Variants in MEAK7 observed in about 807,000 individuals in gnomAD.
MEAK7 encodes the protein MTOR-associated protein MEAK7.
In MEAK7, 68 loss-of-function variants were observed where a neutral mutation model predicts 40.5. That is an observed-to-expected ratio of 1.68 (90% confidence interval 1.38 to 2.06). The LOEUF (loss-of-function observed/expected upper bound fraction) is 2.06, where lower values mean the gene tolerates loss of function less well. MEAK7 is among the 30% of genes most tolerant of loss of function. The probability of loss-of-function intolerance (pLI) is 0.00; values close to 1 mark genes in which losing one functional copy is unlikely to be tolerated. For missense variants in MEAK7, 918 were observed against 580.5 expected (o/e 1.58, Z -5.98); for synonymous variants, 338 against 231.9 (o/e 1.46, Z -4.16).
rs1273302677 is a variant in MEAK7 at position 84,486,770 on chromosome 16, C to T, written c.819G>A (p.Glu273=). 1 of 1,614,040 alleles carries T rather than the reference C, an allele frequency of 6.2e-7. No individual in the cohort carries two copies. Residue 273 remains glutamate (E), a synonymous_variant, in exon 5 of 8, where the codon GAG becomes GAA. Transcript: ENST00000343629. ...RHRWCLLFSS[E]LHGHSFSQLC... ...GCTGGGAGAAGCTGTGTCCATGGAG[C>T]TCAGACGAAAAGAGCAGGCACCAGC...
intron 5 of MEAK7, among the ~76,000 whole-genome samples, chr16:84,484,973 T>G (rs144177927): frequency 2.6e-4 from 40 of 152,330 alleles, no homozygotes; most frequent in African/African-American, 8.9e-4. Context: ...AAATTAACAT[T>G]AAAGGCTCTG....
intron 1 of MEAK7, chr16:84,503,868 A>G: frequency 2.2e-6 from 2 of 925,472 alleles, no homozygotes; most frequent in South Asian, 9.9e-5. Flanking sequence ...ACAGGCTGTT[A>G]CATGGCTGCT....
intron 3 of MEAK7, among the ~76,000 whole-genome samples, chr16:84,493,201 G>A (rs927940022): frequency 6.6e-6 from 1 of 152,212 alleles, no homozygotes; most frequent in African/African-American, 2.4e-5. Context: ...TTGTATGCCA[G>A]AGAAGTACCC....
Position 84,482,747 on chromosome 16 carries a change from T to C in MEAK7, c.959-37A>G, listed in dbSNP as rs776084005. ...CAGAGAACAAAACAAACAGGGTCGGTGTCTGAGCCGGTCCCACAGGGCCGG... is the reference window on the plus strand; with the variant it reads ...CAGAGAACAAAACAAACAGGGTCGGCGTCTGAGCCGGTCCCACAGGGCCGG... On this transcript the variant is annotated intron_variant, in intron 5 of 7. Transcript: ENST00000343629. The C allele has an allele frequency of 3.1e-6, 5 of 1,611,446 alleles. No individual in the cohort carries two copies. In the East Asian group the frequency reaches 1.1e-4, roughly 36 times the overall value.
Position 84,486,505 on chromosome 16 carries a change from A to C in MEAK7, c.958+126T>G, listed in dbSNP as rs543862006. On this transcript the variant is annotated intron_variant, in intron 5 of 7. Coordinates refer to ENST00000343629, the MANE Select transcript of MEAK7 (RefSeq NM_020947.4). ...AGCATCACATTTTCCTATCGCCCCG[A>C]CTGCGTCTAGAGAAACACTTGGAGA... is the stretch of plus-strand genomic sequence containing the variant. 7.6e-6 allele frequency: 11 copies of C among 1,451,560 alleles called. No homozygotes were observed. In the South Asian group the frequency reaches 1.6e-4, roughly 21 times the overall value. 89.9% of individuals were successfully genotyped at this position (1,451,560 alleles called of 1,614,324 possible).
intron 2 of MEAK7, 57 bp from the exon 3 acceptor site, chr16:84,495,970 C>G: frequency 6.3e-7 from 1 of 1,578,694 alleles, no homozygotes; most frequent in Non-Finnish European, 8.7e-7. Flanking sequence ...AACTTGGTTA[C>G]TAGGAGTTAT....
At chr16:84,503,832 G>C (rs1292547061) in intron 1 of MEAK7, 3 of 691,242 alleles carry the variant, frequency 4.3e-6, no homozygotes, top group East Asian at 2.7e-4. Context: ...GAATGGCTTA[G>C]TCACCTCCTG....
At chr16:84,482,246 G>A (rs451957) in intron 6 of MEAK7, among the ~76,000 whole-genome samples, 70,057 of 152,074 alleles carry the variant, frequency 0.46, 17,726 homozygotes, top group East Asian at 0.89. Context: ...TCCCACGTAT[G>A]AGGCAGGCCA....
rs778152202 is a variant in MEAK7, at chr16:84,479,963, C to G, written c.1321G>C (p.Gly441Arg). The change falls in exon 8 of 8, where the codon GGG becomes CGG. Residue 441 changes from glycine (G) to arginine (R), a missense_variant. Transcript: ENST00000343629. ...PEAQALLEIS[G>R]HSRHSEGLRE... ...AGCCCTTCGCTGTGGCGCGAATGCCCACTGATCTCCAGCAGGGCCTGGGCC... is the reference window on the plus strand; with the variant it reads ...AGCCCTTCGCTGTGGCGCGAATGCCGACTGATCTCCAGCAGGGCCTGGGCC... The G allele has an allele frequency of 1.9e-6, 3 of 1,609,972 alleles. No homozygotes were observed. The African/African-American group carries it at 4.0e-5, about 22-fold the overall frequency.
intron 1 of MEAK7, among the ~76,000 whole-genome samples, chr16:84,499,030 C>T (rs1914283915): frequency 6.6e-6 from 1 of 152,164 alleles, no homozygotes; most frequent in African/African-American, 2.4e-5. Context: ...AAGCAAAGGG[C>T]CAAGACCTGC....
intron 3 of MEAK7, among the ~76,000 whole-genome samples, chr16:84,491,314 G>T (rs1299270971): frequency 6.6e-6 from 1 of 152,092 alleles, no homozygotes; most frequent in Non-Finnish European, 1.5e-5. Flanking sequence ...AAGGTGGGCA[G>T]ATCATTTGAG....
intron 3 of MEAK7, 52 bp from the exon 4 acceptor site, chr16:84,489,474 C>G (rs780210323): frequency 6.5e-7 from 1 of 1,543,140 alleles, no homozygotes; most frequent in African/African-American, 1.4e-5. Context: ...ATCCTGAGAC[C>G]TATGTCATGC....
At chr16:84,491,515 G>C (rs1179027176) in intron 3 of MEAK7, among the ~76,000 whole-genome samples, 1 of 143,734 alleles carries the variant, frequency 7.0e-6, no homozygotes, top group South Asian at 2.3e-4. Flanking sequence ...CTCCAGACTG[G>C]GCAACGGAGC....
chr16:84,504,097 G>A (rs1914705510), intron 1 of MEAK7: 5 of 985,550 alleles, frequency 5.1e-6, no homozygotes, highest in Non-Finnish European at 6.0e-6. Context: ...AAGGTGACCT[G>A]TCCTGTGCTG....
Position 84,486,872 on chromosome 16 carries a change from G to T in MEAK7, c.717C>A (p.Gly239=). ...CATCCAGGATGCTCTCAAAACCCCT[G>T]CCCTGGTCCACTTGACGCTCAGGGA... is the stretch of plus-strand genomic sequence containing the variant. ...TLVPERQVDQ[G]RGFESILDVL... The change falls in exon 5 of 8, where the codon GGC becomes GGA. Residue 239 remains glycine, a synonymous_variant. Coordinates refer to ENST00000343629, the MANE Select transcript of MEAK7 (RefSeq NM_020947.4). 1.2e-6 allele frequency: 2 copies of T among 1,614,150 alleles called. No individual in the cohort carries two copies. The highest frequency in any genetic ancestry group is 1.7e-6 in the Non-Finnish European group (2 of 1,180,028).
At chr16:84,500,344 T>A (rs1309001951) in intron 1 of MEAK7, among the ~76,000 whole-genome samples, 1 of 152,134 alleles carries the variant, frequency 6.6e-6, no homozygotes. Flanking sequence ...CTGGGTCACA[T>A]GGTAATTCTG....
At chr16:84,482,341 G>A (rs1037766958) in intron 6 of MEAK7, among the ~76,000 whole-genome samples, 11 of 152,198 alleles carry the variant, frequency 7.2e-5, no homozygotes, top group Admixed American at 1.3e-4. Context: ...AGAAAAATGG[G>A]CCAAGTGTGC....
rs1485034206 is a variant in MEAK7 at position 84,478,941 on chromosome 16, C to T, written c.*972G>A. On this transcript the variant is annotated 3_prime_UTR_variant, in exon 8 of 8. Transcript: ENST00000343629. Reference sequence around the variant, plus strand: ...TGGAATGGACCATATACGTATTTATCAACCAAGTTCCCAAACTTAGGGTGC... The same window carrying T: ...TGGAATGGACCATATACGTATTTATTAACCAAGTTCCCAAACTTAGGGTGC... 6.6e-6 allele frequency: 1 copy of T among 152,246 alleles called. No homozygotes were observed. The highest frequency in any genetic ancestry group is 6.5e-5 in the Admixed American group (1 of 15,282). 9.4% of individuals were successfully genotyped at this position (152,246 alleles called of 1,614,324 possible). A position where few individuals can be genotyped will look rare whatever the true frequency, so the allele number is the denominator to read the frequency against.
At position 84,482,698 on chromosome 16, in the gene MEAK7, C is replaced by A; in HGVS notation, c.971G>T (p.Cys324Phe). Residue 324 changes from cysteine to phenylalanine, a missense_variant, in exon 6 of 8, where the codon TGC (cysteine) becomes TTC (phenylalanine). By Grantham distance (205) the Cys-to-Phe change is radical. Transcript: ENST00000343629. The stretch of plus-strand genomic sequence containing the variant: ...GCTGGGGCAGATGGAGAACAGGAAG[C>A]ATCTGTTGTCCCCTGAAAGTAGCCA... The part of the protein sequence containing the change: ...VKPQFQGDNR[C>F]FLFSICPSMA... The A allele has an allele frequency of 6.2e-7, 1 of 1,614,196 alleles. No individual in the cohort carries two copies. The highest frequency in any genetic ancestry group is 8.5e-7 in the Non-Finnish European group (1 of 1,180,014).
Sources: gnomAD v4.1 joint callset for allele counts (sites outside exome capture counted in the v4.1 genomes callset) on GRCh38, gnomAD v4.1.1 for gene constraint, MANE v1.5 for transcripts, NCBI Gene and HGNC (gene_info 2026-07-23, HGNC 2026-07-21) for gene names.